The following GMEB1 variants were observed in gnomAD, a reference collection of about 807,000 sequenced individuals.
The protein encoded by GMEB1 is glucocorticoid modulatory element-binding protein 1.
GMEB1 carries 6 observed loss-of-function variants against 52.4 expected under a neutral mutation model. That is an observed-to-expected ratio of 0.11 (90% CI 0.06 to 0.23). The LOEUF (loss-of-function observed/expected upper bound fraction) is 0.23. Among genes scored for constraint, GMEB1 ranks in the 10% least tolerant of loss-of-function variants. The pLI is 1.00. For missense variants in GMEB1, 486 were observed against 685.6 expected, an observed-to-expected ratio of 0.71 and a Z score of 3.25; for synonymous variants, 255 against 244.9, an observed-to-expected ratio of 1.04 and a Z score of -0.38.
intron 1 of GMEB1, among the ~76,000 whole-genome samples, chr1:28,681,643 G>A (rs1389387030): frequency 6.6e-6 from 1 of 152,106 alleles, no homozygotes; most frequent in Admixed American, 6.6e-5. Flanking sequence ...GCTTAAGTAT[G>A]TGTGTTTTAG....
Position 28,716,097 on chromosome 1 carries a change from CAAAAA to C in GMEB1, c.*1329_*1333del, listed in dbSNP as rs199862681. The stretch of plus-strand genomic sequence containing the variant: ...CTGGGCGAGGAGTGAAACTCCGTCT[CAAAAA>C]AAAAGAAAGAAATGGAAAGCCAAGG... On this transcript the variant is annotated 3_prime_UTR_variant, in exon 10 of 10. Transcript: ENST00000373816. The C allele has an allele frequency of 6.6e-6, 1 of 150,728 alleles. No homozygotes were observed. 9.3% of individuals were successfully genotyped at this position (150,728 alleles called of 1,614,324 possible).
chr1:28,710,368 T>C (rs1318689442), intron 8 of GMEB1, 152 bp from the exon 9 acceptor site: 5 of 446,678 alleles, frequency 1.1e-5, no homozygotes, highest in African/African-American at 8.2e-5. Flanking sequence ...CAGTAGTCAT[T>C]ATACATGTAA....
intron 5 of GMEB1, among the ~76,000 whole-genome samples, chr1:28,693,322 A>AATTGTGGTTTTTAGTAGAGACG: frequency 6.6e-6 from 1 of 150,970 alleles, no homozygotes; most frequent in Non-Finnish European, 1.5e-5. Flanking sequence ...GGGTTCAAGC[A>AATTGTGGTTTTTAGTAGAGACG]GTTCTCTGCC....
At chr1:28,713,999 G>T (rs964692595) in intron 9 of GMEB1, 74 bp from the exon 10 acceptor site, 7 of 1,062,808 alleles carry the variant, frequency 6.6e-6, no homozygotes, top group Non-Finnish European at 9.8e-6. Flanking sequence ...GAGACACCAG[G>T]TCTCCTGACT....
intron 8 of GMEB1, among the ~76,000 whole-genome samples, chr1:28,708,662 G>C (rs1225343547): frequency 6.6e-6 from 1 of 150,888 alleles, no homozygotes; most frequent in Non-Finnish European, 1.5e-5. Flanking sequence ...GTAGCAACGG[G>C]GTTTCACCAT....
intron 1 of GMEB1, among the ~76,000 whole-genome samples, chr1:28,675,692 AAAAG>A (rs1669123155): frequency 1.3e-5 from 2 of 151,872 alleles, no homozygotes; most frequent in African/African-American, 2.4e-5. Context: ...AAAAAAAAAA[AAAAG>A]AAAAGAAAAG....
chr1:28,693,093 A>G (rs1212139399), intron 5 of GMEB1, 48 bp downstream of exon 5: 2 of 895,656 alleles, frequency 2.2e-6, no homozygotes, highest in South Asian at 3.5e-5. Context: ...TTTGGGGCAC[A>G]TAATCATGCT....
Position 28,718,735 on chromosome 1 carries a change from T to A in GMEB1, c.*3962T>A, listed in dbSNP as rs1671333749. ...TGCCAAAGGCACAAACAAGCAGCTC[T>A]CCTTTACTGAGGTACTGAAACAGAT... On this transcript the variant is annotated 3_prime_UTR_variant, in exon 10 of 10. Coordinates refer to ENST00000373816, the MANE Select transcript of GMEB1 (RefSeq NM_001319674.2). The A allele has an allele frequency of 6.6e-6, 1 of 152,208 alleles. No homozygotes were observed. 9.4% of individuals were successfully genotyped at this position (152,208 alleles called of 1,614,324 possible).
rs777840653 is a variant in GMEB1, at chr1:28,704,309, A to G, written c.848A>G (p.Gln283Arg). 6.2e-7 allele frequency: 1 copy of G among 1,612,962 alleles called. No homozygotes were observed. The highest frequency in any genetic ancestry group is 8.5e-7 in the Non-Finnish European group (1 of 1,179,498). The stretch of plus-strand genomic sequence containing the variant: ...AGGGGAGTTCAGCAGCGGCTCATCC[A>G]GGCTCCCTTCCAAGTCACAGGTAAG... ...LLRGVQQRLIQAPFQVTDAAV... is the reference protein window; with the variant it reads ...LLRGVQQRLIRAPFQVTDAAV... Residue 283 changes from glutamine to arginine, a missense_variant, in exon 8 of 10, where the codon CAG becomes CGG. Coordinates refer to ENST00000373816, the MANE Select transcript of GMEB1 (RefSeq NM_001319674.2).
intron 3 of GMEB1, among the ~76,000 whole-genome samples, chr1:28,691,334 T>C (rs537814208): frequency 1.3e-4 from 20 of 152,094 alleles, no homozygotes; most frequent in African/African-American, 4.8e-4. Flanking sequence ...TAGGAAACAA[T>C]CATTGCCTCA....
chr1:28,694,145 A>G (rs1037900384), intron 5 of GMEB1, among the ~76,000 whole-genome samples: 1 of 152,012 alleles, frequency 6.6e-6, no homozygotes, highest in Non-Finnish European at 1.5e-5. Context: ...AAAATTTAGT[A>G]GAAGAAAATA....
intron 6 of GMEB1, among the ~76,000 whole-genome samples, chr1:28,697,731 C>T (rs1298313418): frequency 1.3e-5 from 2 of 152,172 alleles, no homozygotes; most frequent in African/African-American, 4.8e-5. Context: ...ACTTTGGTGC[C>T]ACTTGGCATA....
At chr1:28,713,950 C>G in intron 9 of GMEB1, 123 bp from the exon 10 acceptor site, 1 of 717,328 alleles carries the variant, frequency 1.4e-6, no homozygotes, top group Non-Finnish European at 2.4e-6. Flanking sequence ...AAAACAATGT[C>G]ACAACTTGCC....
chr1:28,668,911 G>A (rs1191944287), intron 1 of GMEB1, 72 bp downstream of exon 1: 2 of 144,682 alleles, frequency 1.4e-5, no homozygotes, highest in Non-Finnish European at 3.1e-5. Flanking sequence ...CGGGGGCCGC[G>A]CGGCGGCCGG....
chr1:28,707,302 TTTAAATCTC>T (rs1329750523), intron 8 of GMEB1, among the ~76,000 whole-genome samples: 1 of 151,990 alleles, frequency 6.6e-6, no homozygotes, highest in African/African-American at 2.4e-5. Flanking sequence ...GATTTAAAAT[TTTAAATCTC>T]TTAAAAATTT....
chr1:28,693,374 C>A (rs535724056), intron 5 of GMEB1, among the ~76,000 whole-genome samples: 2 of 150,814 alleles, frequency 1.3e-5, no homozygotes, highest in African/African-American at 2.4e-5. Context: ...CCCACCACCA[C>A]GCCCAGCTAA....
intron 9 of GMEB1, among the ~76,000 whole-genome samples, chr1:28,712,867 G>C (rs139378473): frequency 6.9e-6 from 1 of 145,014 alleles, no homozygotes; most frequent in Non-Finnish European, 1.5e-5. Flanking sequence ...CATTTACCAC[G>C]CTGGGCCGGG....
At chr1:28,679,180 G>A (rs1669288104) in intron 1 of GMEB1, among the ~76,000 whole-genome samples, 1 of 148,328 alleles carries the variant, frequency 6.7e-6, no homozygotes, top group African/African-American at 2.5e-5. Context: ...CACCACACCT[G>A]ACCTTTTTTT....
At chr1:28,710,779 A>G in intron 9 of GMEB1, 137 bp downstream of exon 9, 2 of 501,772 alleles carry the variant, frequency 4.0e-6, no homozygotes, top group Non-Finnish European at 6.4e-6. Context: ...TAAAAAAAAA[A>G]GCCGCAGATG....
Sources: gnomAD v4.1 joint callset for allele counts (sites outside exome capture counted in the v4.1 genomes callset) on GRCh38, gnomAD v4.1.1 for gene constraint, MANE v1.5 for transcripts, NCBI Gene and HGNC (gene_info 2026-07-23, HGNC 2026-07-21) for gene names.